Variants in MRTFA observed in about 807,000 individuals in gnomAD.
MRTFA encodes myocardin-related transcription factor A.
Under a neutral mutation model 83.5 loss-of-function variants are expected in MRTFA, and 20 were observed. That is an observed-to-expected ratio of 0.24 (90% CI 0.17 to 0.35). The LOEUF is 0.35. MRTFA is among the 10% of genes least tolerant of loss of function. The pLI, the probability that MRTFA is intolerant of heterozygous loss-of-function variation, is 1.00. For synonymous variants in MRTFA, 659 were observed against 541.2 expected (o/e 1.22, Z -3.02); for missense variants, 1,200 against 1,224.7 (o/e 0.98, Z 0.30).
At chr22:40,420,612 T>A (rs750240240) in intron 10 of MRTFA, 36 bp from the exon 11 acceptor site, 3 of 1,604,484 alleles carry the variant, frequency 1.9e-6, no homozygotes, top group Non-Finnish European at 2.6e-6. Flanking sequence ...CCCATCCAGC[T>A]TCGCCCGTGG....
chr22:40,613,966 G>A (rs549281610), intron 1 of MRTFA, among the ~76,000 whole-genome samples: 75 of 152,124 alleles, frequency 4.9e-4, no homozygotes, highest in African/African-American at 1.8e-3. Flanking sequence ...TTGGGAGGCC[G>A]AGGCGGGCGG....
intron 3 of MRTFA, among the ~76,000 whole-genome samples, chr22:40,470,909 A>G (rs1225264729): frequency 1.3e-5 from 2 of 152,032 alleles, no homozygotes; most frequent in African/African-American, 4.8e-5. Context: ...AGATTGTGCC[A>G]CTGCACTCCA....
At chr22:40,593,293 A>G (rs912237074) in intron 2 of MRTFA, among the ~76,000 whole-genome samples, 3 of 152,228 alleles carry the variant, frequency 2.0e-5, no homozygotes, top group Admixed American at 2.0e-4. Context: ...AGTTCAAGAC[A>G]CTGAGTCACA....
At chr22:40,599,560 T>C (rs1421996529) in intron 1 of MRTFA, among the ~76,000 whole-genome samples, 1 of 152,100 alleles carries the variant, frequency 6.6e-6, no homozygotes, top group Non-Finnish European at 1.5e-5. Context: ...TTGGAAAGAA[T>C]GCCACTAATC....
rs117522791 is a variant in MRTFA, at chr22:40,540,122, G to A, written c.241+11984C>T. Among the ~76,000 whole-genome samples the A allele has an allele frequency of 9.3e-3, 1,403 of 151,376 alleles. 8 individuals are homozygous for A. Among genetic ancestry groups the A allele is most frequent in the Non-Finnish European group, 0.016 (1,058 of 67,822 alleles). On this transcript the variant is annotated intron_variant, in intron 3 of 14. Transcript: ENST00000355630. ...ATGGGGGTTGTCATCATGTTGCCCAGGCTGCTCTTGAAATCCTGGGCTCAG... is the reference window on the plus strand; with the variant it reads ...ATGGGGGTTGTCATCATGTTGCCCAAGCTGCTCTTGAAATCCTGGGCTCAG...
At chr22:40,557,781 T>C (rs993749400) in intron 2 of MRTFA, among the ~76,000 whole-genome samples, 3 of 152,196 alleles carry the variant, frequency 2.0e-5, no homozygotes, top group Non-Finnish European at 4.4e-5. Context: ...AAAATTTCAC[T>C]AAGTAAACTT....
At chr22:40,493,851 A>T (rs1444759682) in intron 3 of MRTFA, among the ~76,000 whole-genome samples, 1 of 152,234 alleles carries the variant, frequency 6.6e-6, no homozygotes, top group African/African-American at 2.4e-5. Context: ...CCACATAAAG[A>T]ACTGTACATT....
intron 7 of MRTFA, among the ~76,000 whole-genome samples, chr22:40,428,707 G>A (rs2147089021): frequency 6.6e-6 from 1 of 152,142 alleles, no homozygotes; most frequent in Middle Eastern, 3.4e-3. Flanking sequence ...GTAGAGATGA[G>A]TCTCCCTATG....
At chr22:40,463,082 G>GA in intron 4 of MRTFA, 139 bp downstream of exon 4, 1 of 746,682 alleles carries the variant, frequency 1.3e-6, no homozygotes, top group African/African-American at 1.7e-5. Flanking sequence ...TCTAAACTTG[G>GA]AAAGTCATGA....
chr22:40,546,971 C>T lies in MRTFA; in HGVS notation c.241+5135G>A, dbSNP rs191430384. On this transcript the variant is annotated intron_variant, in intron 3 of 14. Coordinates refer to ENST00000355630, the MANE Select transcript of MRTFA (RefSeq NM_020831.6). The stretch of plus-strand genomic sequence containing the variant: ...GAGATCGAGACCATCCTGGCTAACA[C>T]GGTGAAACCCTGTTTTTACTAAAAA... 3.9e-5 allele frequency among the ~76,000 whole-genome samples: 6 copies of T among 152,124 alleles called. No individual in the cohort carries two copies. In the East Asian group the frequency reaches 9.7e-4, roughly 25 times the overall value.
At chr22:40,559,357 C>T (rs146181099) in intron 2 of MRTFA, among the ~76,000 whole-genome samples, 231 of 152,258 alleles carry the variant, frequency 1.5e-3, no homozygotes, top group African/African-American at 5.1e-3. Flanking sequence ...CACTGCACTC[C>T]AGCCTGGGCA....
At chr22:40,553,451 TCAG>T (rs1221943420) in intron 2 of MRTFA, among the ~76,000 whole-genome samples, 25 of 152,136 alleles carry the variant, frequency 1.6e-4, no homozygotes, top group Non-Finnish European at 1.6e-4. Context: ...CCCAGCTGCT[TCAG>T]CTCCAGTCAT....
At chr22:40,431,766 A>G (rs912569802) in intron 5 of MRTFA, among the ~76,000 whole-genome samples, 1 of 151,780 alleles carries the variant, frequency 6.6e-6, no homozygotes. Context: ...TACTACCATA[A>G]AAGTAATATA....
chr22:40,629,921 AAGAGCTT>A lies in MRTFA; in HGVS notation c.-84+6550_-84+6556del, dbSNP rs142373067. 7.5e-3 allele frequency among the ~76,000 whole-genome samples: 1,146 copies of A among 152,140 alleles called. 14 individuals are homozygous for A. The highest frequency in any genetic ancestry group is 0.027 in the African/African-American group (1,102 of 41,528). Reference sequence around the variant, plus strand: ...GCTATGATCCCACCATATGCTTCACAAGAGCTTAGAGGTGGAACTAGGGCCCACACTA... The same window carrying A: ...GCTATGATCCCACCATATGCTTCACAAGAGGTGGAACTAGGGCCCACACTA... On this transcript the variant is annotated intron_variant, in intron 1 of 14. Coordinates refer to ENST00000355630, the MANE Select transcript of MRTFA (RefSeq NM_020831.6).
At chr22:40,565,973 C>G (rs1458024670) in intron 2 of MRTFA, among the ~76,000 whole-genome samples, 1 of 152,140 alleles carries the variant, frequency 6.6e-6, no homozygotes, top group Admixed American at 6.5e-5. Flanking sequence ...AGGTTAAATA[C>G]TTGATCCTGG....
intron 3 of MRTFA, among the ~76,000 whole-genome samples, chr22:40,495,842 C>T (rs968890536): frequency 2.0e-5 from 3 of 147,898 alleles, no homozygotes; most frequent in Admixed American, 6.8e-5. Flanking sequence ...CTGAGGAGGG[C>T]GAATCACGAA....
intron 1 of MRTFA, among the ~76,000 whole-genome samples, chr22:40,613,093 CAT>C (rs1198248834): frequency 2.0e-5 from 3 of 152,150 alleles, no homozygotes; most frequent in Non-Finnish European, 4.4e-5. Context: ...TAAATGAAAT[CAT>C]ATAGTAAGTT....
At chr22:40,502,669 GCAATCTCGGCA>G (rs1424521607) in intron 3 of MRTFA, among the ~76,000 whole-genome samples, 1 of 150,660 alleles carries the variant, frequency 6.6e-6, no homozygotes, top group Non-Finnish European at 1.5e-5. Flanking sequence ...GGCAGAGGCT[GCAATCTCGGCA>G]CTTTGGGAGG....
chr22:40,584,273 C>T (rs932793991), intron 2 of MRTFA, among the ~76,000 whole-genome samples: 2 of 152,158 alleles, frequency 1.3e-5, no homozygotes, highest in African/African-American at 2.4e-5. Context: ...AAGCAATTTG[C>T]CCAAGGTCTC....
Sources: gnomAD v4.1 joint callset for allele counts (sites outside exome capture counted in the v4.1 genomes callset) on GRCh38, gnomAD v4.1.1 for gene constraint, MANE v1.5 for transcripts, NCBI Gene and HGNC (gene_info 2026-07-23, HGNC 2026-07-21) for gene names.